Variants in CPT1A observed in about 807,000 individuals in gnomAD.
The protein encoded by CPT1A is carnitine palmitoyltransferase 1A.
CPT1A carries 64 observed loss-of-function variants against 100.8 expected under a neutral mutation model. The observed-to-expected ratio is 0.63, with a 90% CI of 0.52 to 0.78. CPT1A has a LOEUF of 0.78. Among genes scored for constraint, CPT1A ranks in the 30% least tolerant of loss-of-function variants. The probability of loss-of-function intolerance (pLI) is 0.00; values close to 1 mark genes in which losing one functional copy is unlikely to be tolerated. For synonymous variants in CPT1A, 363 were observed against 396.0 expected, an observed-to-expected ratio of 0.92 and a Z score of 0.99; for missense variants, 802 against 1,034.1, an observed-to-expected ratio of 0.78 and a Z score of 3.08.
intron 1 of CPT1A, among the ~76,000 whole-genome samples, chr11:68,820,504 G>A (rs3019610): frequency 0.12 from 18,123 of 151,830 alleles, 2,558 homozygotes; most frequent in African/African-American, 0.34. Context: ...CCAACATGGC[G>A]AAACCCTGTC....
chr11:68,794,522 T>G (rs1183728040), intron 8 of CPT1A, among the ~76,000 whole-genome samples: 1 of 152,234 alleles, frequency 6.6e-6, no homozygotes, highest in Non-Finnish European at 1.5e-5. Context: ...GTGATTCTCC[T>G]GCATCGGCCT....
At chr11:68,782,520 G>A (rs1042703401) in intron 10 of CPT1A, among the ~76,000 whole-genome samples, 4 of 152,192 alleles carry the variant, frequency 2.6e-5, no homozygotes, top group African/African-American at 4.8e-5. Flanking sequence ...GCCCCCAGGT[G>A]CATTCCACAG....
Position 68,760,214 on chromosome 11 carries a change from G to T in CPT1A, c.2142+11C>A. On this transcript the variant is annotated intron_variant, in intron 17 of 18. Transcript: ENST00000265641. ...GCCCCACTGCGCCTCGCCCAGCCCCGCCGCACTCACCGGTCCAAAGCCCCC... is the reference window on the plus strand; with the variant it reads ...GCCCCACTGCGCCTCGCCCAGCCCCTCCGCACTCACCGGTCCAAAGCCCCC... The T allele has an allele frequency of 6.3e-7, 1 of 1,592,956 alleles. No individual in the cohort carries two copies. The highest frequency in any genetic ancestry group is 8.6e-7 in the Non-Finnish European group (1 of 1,167,138).
At chr11:68,771,294 T>C (rs953011301) in intron 14 of CPT1A, among the ~76,000 whole-genome samples, 6 of 152,238 alleles carry the variant, frequency 3.9e-5, no homozygotes, top group African/African-American at 1.4e-4. Flanking sequence ...GAGCGTGGCA[T>C]TTCCTTACTA....
At chr11:68,804,210 A>G (rs1855982828) in intron 4 of CPT1A, 109 bp from the exon 5 acceptor site, 1 of 795,338 alleles carries the variant, frequency 1.3e-6, no homozygotes, top group East Asian at 2.6e-5. Context: ...TAGTACTTGG[A>G]TGGGAGAATG....
intron 3 of CPT1A, among the ~76,000 whole-genome samples, chr11:68,809,593 A>G (rs1594358361): frequency 6.6e-6 from 1 of 151,884 alleles, no homozygotes; most frequent in Admixed American, 6.6e-5. Context: ...TCGGCCTCCC[A>G]AAGTGCTGGA....
At chr11:68,823,998 G>A (rs1393912768) in intron 1 of CPT1A, among the ~76,000 whole-genome samples, 1 of 152,054 alleles carries the variant, frequency 6.6e-6, no homozygotes. Context: ...TGTAATCCCA[G>A]CACTTTGGGA....
chr11:68,766,044 G>A (rs1275192369), intron 14 of CPT1A, among the ~76,000 whole-genome samples: 1 of 151,948 alleles, frequency 6.6e-6, no homozygotes, highest in Non-Finnish European at 1.5e-5. Flanking sequence ...GATAATTTTT[G>A]TATTTTTAGT....
At chr11:68,790,612 GC>G (rs1855587963) in intron 9 of CPT1A, among the ~76,000 whole-genome samples, 1 of 152,076 alleles carries the variant, frequency 6.6e-6, no homozygotes, top group African/African-American at 2.4e-5. Flanking sequence ...AAAGAGCACG[GC>G]CCTGCTGACA....
intron 9 of CPT1A, among the ~76,000 whole-genome samples, chr11:68,787,750 T>C (rs1296737128): frequency 1.3e-5 from 2 of 151,998 alleles, no homozygotes; most frequent in Non-Finnish European, 2.9e-5. Flanking sequence ...GAGGCCAGCC[T>C]GGCCTACATG....
At chr11:68,795,528 G>C (rs554116042) in intron 7 of CPT1A, among the ~76,000 whole-genome samples, 13 of 151,980 alleles carry the variant, frequency 8.6e-5, no homozygotes, top group Admixed American at 2.0e-4. Context: ...CTACACTAAC[G>C]GTTTTTCTTT....
intron 1 of CPT1A, among the ~76,000 whole-genome samples, chr11:68,816,770 GTGTGTGTGT>G (rs757132818): frequency 1.2e-5 from 1 of 83,858 alleles, no homozygotes; most frequent in Non-Finnish European, 2.9e-5. Context: ...GTGTGTGTGT[GTGTGTGTGT>G]GGTGTGTGTG....
At chr11:68,830,975 G>A (rs752332194) in intron 1 of CPT1A, among the ~76,000 whole-genome samples, 9 of 152,132 alleles carry the variant, frequency 5.9e-5, no homozygotes, top group Non-Finnish European at 1.0e-4. Context: ...GTTCTCCAAC[G>A]CTGAATGCTA....
intron 12 of CPT1A, among the ~76,000 whole-genome samples, chr11:68,775,994 G>C (rs71463700): frequency 0.016 from 2,498 of 152,348 alleles, 30 homozygotes; most frequent in Non-Finnish European, 0.025. Flanking sequence ...AACTGATGAA[G>C]AGATAAACAA....
chr11:68,761,843 T>C (rs979383902), intron 15 of CPT1A, among the ~76,000 whole-genome samples, 156 bp from the exon 16 acceptor site: 4 of 152,256 alleles, frequency 2.6e-5, no homozygotes, highest in African/African-American at 9.6e-5. Flanking sequence ...ACTCCTGAGC[T>C]CAGGCAATCC....
chr11:68,789,353 T>C (rs1376712349), intron 9 of CPT1A, among the ~76,000 whole-genome samples: 3 of 152,154 alleles, frequency 2.0e-5, no homozygotes, highest in Admixed American at 6.5e-5. Flanking sequence ...CTTTGCCCGA[T>C]GATCACCAAC....
chr11:68,814,375 C>G lies in CPT1A; in HGVS notation c.141+959G>C, dbSNP rs185108601. On this transcript the variant is annotated intron_variant, in intron 2 of 18. Transcript: ENST00000265641. ...AGGCTGGAGTGCAGTGGCGCGATCT[C>G]GGCTCACTGCAAGCTCCGCCTCCCG... is the stretch of plus-strand genomic sequence containing the variant. Among the ~76,000 whole-genome samples the G allele has an allele frequency of 4.9e-3, 735 of 150,744 alleles. 7 individuals are homozygous for G. The highest frequency in any genetic ancestry group is 0.016 in the African/African-American group (671 of 41,078).
intron 5 of CPT1A, among the ~76,000 whole-genome samples, chr11:68,802,896 C>CAAAAAA (rs901808584): frequency 0.03 from 1,232 of 41,106 alleles, no homozygotes; most frequent in Non-Finnish European, 0.051. Flanking sequence ...GACCCTGTCT[C>CAAAAAA]AAAAAAAAAA....
chr11:68,842,335 G>C (rs907271511), upstream of CPT1A, among the ~76,000 whole-genome samples: 2 of 152,108 alleles, frequency 1.3e-5, no homozygotes, highest in Non-Finnish European at 2.9e-5. Context: ...CGATCCACAG[G>C]GAGTGGTGGG....
Sources: allele counts gnomAD v4.1 joint callset (sites outside exome capture counted in the v4.1 genomes callset), GRCh38; gene constraint gnomAD v4.1.1; transcripts MANE v1.5; gene names NCBI Gene and HGNC (gene_info 2026-07-23, HGNC 2026-07-21).